CLVS1: variants seen among roughly 807,000 people sequenced by gnomAD.
The protein encoded by CLVS1 is clavesin 1.
A neutral mutation model predicts 33.1 loss-of-function variants in CLVS1; 10 were observed. The observed-to-expected ratio is 0.30, with a 90% CI of 0.19 to 0.51. CLVS1 has a LOEUF of 0.51. Among genes scored for constraint, CLVS1 ranks in the 20% least tolerant of loss-of-function variants. The pLI, the probability that CLVS1 is intolerant of heterozygous loss-of-function variation, is 0.97. For missense variants in CLVS1, 343 were observed against 433.4 expected (o/e 0.79, Z 1.85); for synonymous variants, 163 against 166.1 (o/e 0.98, Z 0.14).
At chr8:61,263,955 T>C (rs1809256266) in intron 2 of CLVS1, among the ~76,000 whole-genome samples, 1 of 152,132 alleles carries the variant, frequency 6.6e-6, no homozygotes, top group Non-Finnish European at 1.5e-5. Flanking sequence ...GAAGTGGTAA[T>C]TGTCGCAGAG....
intron 2 of CLVS1, among the ~76,000 whole-genome samples, chr8:61,205,591 GCTTT>G (rs1264473570): frequency 6.6e-6 from 1 of 152,176 alleles, no homozygotes; most frequent in East Asian, 1.9e-4. Flanking sequence ...TGGAGTCCAT[GCTTT>G]CTATGTATGC....
At chr8:61,418,158 A>G (rs1418804265) in intron 3 of CLVS1, among the ~76,000 whole-genome samples, 1 of 152,200 alleles carries the variant, frequency 6.6e-6, no homozygotes, top group East Asian at 1.9e-4. Context: ...AACCATAAAA[A>G]TGAGGAATTG....
the CLVS1 span, among the ~76,000 whole-genome samples, chr8:61,047,213 C>T: frequency 6.6e-6 from 1 of 152,156 alleles, no homozygotes; most frequent in African/African-American, 2.4e-5. Flanking sequence ...AAAATGCTCA[C>T]CATCACTGGC....
chr8:61,457,566 A>G (rs1413808049), intron 4 of CLVS1, among the ~76,000 whole-genome samples: 1 of 152,012 alleles, frequency 6.6e-6, no homozygotes, highest in African/African-American at 2.4e-5. Flanking sequence ...AAAAATGGAA[A>G]ATTGCAGCAA....
At chr8:61,328,178 C>T (rs1348543645) in intron 2 of CLVS1, among the ~76,000 whole-genome samples, 1 of 152,118 alleles carries the variant, frequency 6.6e-6, no homozygotes, top group Non-Finnish European at 1.5e-5. Flanking sequence ...ACGGGTGAAG[C>T]AGGGATTCCA....
intron 2 of CLVS1, among the ~76,000 whole-genome samples, chr8:61,263,979 G>A (rs544126390): frequency 6.6e-6 from 1 of 152,298 alleles, no homozygotes; most frequent in African/African-American, 2.4e-5. Context: ...GAGTGTGAGA[G>A]TTTCTGTTTA....
At chr8:61,192,843 T>G (rs1342907440) in intron 2 of CLVS1, among the ~76,000 whole-genome samples, 5 of 147,732 alleles carry the variant, frequency 3.4e-5, no homozygotes, top group Middle Eastern at 3.2e-3. Context: ...CCAGTTAGAA[T>G]GGCGATCATT....
At chr8:61,476,576 A>G (rs1817941242) in intron 5 of CLVS1, among the ~76,000 whole-genome samples, 1 of 152,122 alleles carries the variant, frequency 6.6e-6, no homozygotes, top group South Asian at 2.1e-4. Flanking sequence ...ATGGGAGTTC[A>G]CTCATGATTT....
intron 2 of CLVS1, among the ~76,000 whole-genome samples, chr8:61,334,267 A>C (rs979940669): frequency 6.6e-6 from 1 of 152,156 alleles, no homozygotes; most frequent in African/African-American, 2.4e-5. Context: ...GAGGAAGGAG[A>C]CACTCTTAAA....
At chr8:61,420,697 C>G (rs774937157) in intron 3 of CLVS1, among the ~76,000 whole-genome samples, 4 of 151,940 alleles carry the variant, frequency 2.6e-5, no homozygotes, top group Admixed American at 2.0e-4. Context: ...CGGCCAGGCA[C>G]GGTGGTCACA....
the CLVS1 span, among the ~76,000 whole-genome samples, chr8:61,017,761 A>G: frequency 1.3e-5 from 2 of 152,128 alleles, no homozygotes; most frequent in Admixed American, 1.3e-4. Flanking sequence ...AGGGTGAGGA[A>G]CCCTGGTCTG....
At chr8:60,974,636 G>A in the CLVS1 span, among the ~76,000 whole-genome samples, 3 of 152,174 alleles carry the variant, frequency 2.0e-5, no homozygotes, top group East Asian at 1.9e-4. Flanking sequence ...AGTGTCATTG[G>A]CCACTTTGTT....
the CLVS1 span, among the ~76,000 whole-genome samples, chr8:61,044,596 A>G: frequency 1.3e-5 from 2 of 152,194 alleles, no homozygotes; most frequent in African/African-American, 2.4e-5. Flanking sequence ...TTCTTATGAG[A>G]CCAGTTGAAG....
chr8:61,039,267 T>A, the CLVS1 span, among the ~76,000 whole-genome samples: 29,933 of 152,198 alleles, frequency 0.2, 3,963 homozygotes, highest in African/African-American at 0.38. Context: ...TCTTCTAATC[T>A]ATAATATTCT....
At chr8:60,966,447 G>A in the CLVS1 span, 1 of 447,054 alleles carries the variant, frequency 2.2e-6, no homozygotes, top group South Asian at 1.6e-5. Flanking sequence ...AGCAGGATGG[G>A]TGAAGTCATT....
At chr8:61,475,449 C>T (rs1414364679) in intron 5 of CLVS1, among the ~76,000 whole-genome samples, 1 of 152,224 alleles carries the variant, frequency 6.6e-6, no homozygotes, top group Admixed American at 6.5e-5. Context: ...ACACCCTCTC[C>T]AGCACCTGTT....
intron 3 of CLVS1, among the ~76,000 whole-genome samples, chr8:61,406,757 G>A (rs1409428101): frequency 2.0e-5 from 3 of 151,966 alleles, no homozygotes; most frequent in Non-Finnish European, 2.9e-5. Flanking sequence ...ACAGGTGCAC[G>A]CCACCTCTCC....
intron 2 of CLVS1, among the ~76,000 whole-genome samples, chr8:61,148,652 G>A (rs1031109049): frequency 1.3e-5 from 2 of 152,170 alleles, no homozygotes; most frequent in African/African-American, 4.8e-5. Context: ...ATACCAGTGT[G>A]GTGTCCAGAG....
At chr8:61,236,406 C>T (rs926933598) in intron 2 of CLVS1, among the ~76,000 whole-genome samples, 2 of 152,130 alleles carry the variant, frequency 1.3e-5, no homozygotes, top group African/African-American at 2.4e-5. Flanking sequence ...ATGTTAATTT[C>T]CAGTAGCAGC....
Sources: allele counts gnomAD v4.1 joint callset (sites outside exome capture counted in the v4.1 genomes callset), GRCh38; gene constraint gnomAD v4.1.1; transcripts MANE v1.5; gene names NCBI Gene and HGNC (gene_info 2026-07-23, HGNC 2026-07-21).